The following ZNF407 variants were observed in gnomAD, a reference collection of about 807,000 sequenced individuals.
The protein encoded by ZNF407 is zinc finger protein 407.
In ZNF407, 17 loss-of-function variants were observed where a neutral mutation model predicts 131.2. That is an observed-to-expected ratio of 0.13 (90% CI 0.09 to 0.19). ZNF407 has a LOEUF of 0.19. Ranked by LOEUF, ZNF407 falls within the 10% of genes least tolerant of loss-of-function variation. The pLI, the probability that ZNF407 is intolerant of heterozygous loss-of-function variation, is 1.00. For missense variants in ZNF407, 2,681 were observed against 2,830.6 expected (o/e 0.95, Z 1.20); for synonymous variants, 1,156 against 1,062.0 (o/e 1.09, Z -1.72).
At chr18:74,657,732 G>T (rs541117423) in intron 3 of ZNF407, among the ~76,000 whole-genome samples, 1 of 152,066 alleles carries the variant, frequency 6.6e-6, no homozygotes, top group African/African-American at 2.4e-5. Context: ...CAGTGTTTAC[G>T]CTGTACTTGT....
intron 4 of ZNF407, among the ~76,000 whole-genome samples, chr18:74,857,226 G>A (rs981757001): frequency 6.6e-6 from 1 of 152,150 alleles, no homozygotes; most frequent in African/African-American, 2.4e-5. Flanking sequence ...GCTGATATTC[G>A]ACGTGTTTCA....
At chr18:74,858,909 CT>C (rs796291307) in intron 4 of ZNF407, among the ~76,000 whole-genome samples, 92 of 146,896 alleles carry the variant, frequency 6.3e-4, no homozygotes, top group Middle Eastern at 3.5e-3. Context: ...CCTTTTTGCC[CT>C]TTTTTTTTTG....
chr18:74,876,776 C>T (rs1182085448), intron 4 of ZNF407, among the ~76,000 whole-genome samples: 1 of 152,218 alleles, frequency 6.6e-6, no homozygotes, highest in East Asian at 1.9e-4. Context: ...CGGGTGCATG[C>T]AGGAGAGGCC....
chr18:74,680,081 A>G (rs910232224), intron 3 of ZNF407, among the ~76,000 whole-genome samples: 1 of 152,052 alleles, frequency 6.6e-6, no homozygotes, highest in African/African-American at 2.4e-5. Flanking sequence ...TCTCATTTAC[A>G]TTTTCATTCA....
chr18:74,770,412 C>G (rs1244986310), intron 3 of ZNF407, among the ~76,000 whole-genome samples: 2 of 152,152 alleles, frequency 1.3e-5, no homozygotes, highest in East Asian at 3.9e-4. Context: ...AATAACCAAC[C>G]TTTCTCTCAA....
intron 8 of ZNF407, among the ~76,000 whole-genome samples, chr18:75,038,042 T>C (rs978685532): frequency 1.3e-5 from 2 of 152,212 alleles, no homozygotes; most frequent in South Asian, 2.1e-4. Context: ...TGAAGACTAA[T>C]TAACTTCAAA....
chr18:74,927,838 T>G (rs941078637), intron 8 of ZNF407, among the ~76,000 whole-genome samples: 1 of 152,330 alleles, frequency 6.6e-6, no homozygotes, highest in African/African-American at 2.4e-5. Flanking sequence ...TGTGTACACA[T>G]TAGTATTCAT....
At chr18:74,954,674 A>G (rs1364938505) in intron 8 of ZNF407, among the ~76,000 whole-genome samples, 17 of 152,204 alleles carry the variant, frequency 1.1e-4, no homozygotes, top group Admixed American at 5.9e-4. Flanking sequence ...TATAACCCAC[A>G]TATTTTTATA....
chr18:74,687,729 C>T (rs569575944), intron 3 of ZNF407, among the ~76,000 whole-genome samples: 105 of 152,234 alleles, frequency 6.9e-4, no homozygotes, highest in Non-Finnish European at 1.3e-3. Context: ...TTAACTTGCA[C>T]TCATTTATTA....
chr18:74,901,126 T>C (rs907974359), intron 7 of ZNF407, among the ~76,000 whole-genome samples: 5 of 152,148 alleles, frequency 3.3e-5, no homozygotes, highest in African/African-American at 7.2e-5. Flanking sequence ...GTGTCAGTTG[T>C]ATTAAACCAC....
chr18:74,631,571 A>C lies in ZNF407; in HGVS notation c.552A>C (p.Thr184=). 1 of 1,613,776 alleles carries C rather than the reference A, an allele frequency of 6.2e-7. No individual in the cohort carries two copies. Among genetic ancestry groups the C allele is most frequent in the Non-Finnish European group, 8.5e-7 (1 of 1,179,912 alleles). Residue 184 remains threonine (T), a synonymous_variant, in exon 2 of 9, where the codon ACA becomes ACC. Coordinates refer to ENST00000299687, the MANE Select transcript of ZNF407 (RefSeq NM_017757.3). ...SVSCTIGNVD[T]VLKCSICGHL... ...GTTGTACCATTGGGAATGTAGATAC[A>C]GTTCTCAAATGCAGCATCTGTGGGC... is the stretch of plus-strand genomic sequence containing the variant.
intron 3 of ZNF407, among the ~76,000 whole-genome samples, chr18:74,775,114 A>G (rs971856349): frequency 6.6e-6 from 1 of 152,266 alleles, no homozygotes; most frequent in African/African-American, 2.4e-5. Context: ...TAAACCTTCA[A>G]CATAAAATTA....
chr18:74,852,164 TAC>T (rs10539805), intron 4 of ZNF407, among the ~76,000 whole-genome samples: 12,096 of 149,574 alleles, frequency 0.081, 523 homozygotes, highest in African/African-American at 0.088. Context: ...GGATGCATGC[TAC>T]ACACACACAC....
intron 4 of ZNF407, among the ~76,000 whole-genome samples, chr18:74,873,195 T>G (rs914286861): frequency 1.3e-5 from 2 of 152,204 alleles, no homozygotes; most frequent in African/African-American, 4.8e-5. Context: ...TACTTATTCT[T>G]TAACTTTATT....
intron 8 of ZNF407, among the ~76,000 whole-genome samples, chr18:74,966,973 G>A (rs1022396581): frequency 2.3e-4 from 35 of 152,124 alleles, no homozygotes; most frequent in Non-Finnish European, 2.1e-4. Flanking sequence ...TTTAAAGAAA[G>A]GTAGAGGCCA....
At chr18:74,802,371 T>G (rs1285879592) in intron 4 of ZNF407, among the ~76,000 whole-genome samples, 1 of 152,196 alleles carries the variant, frequency 6.6e-6, no homozygotes, top group Non-Finnish European at 1.5e-5. Flanking sequence ...TTTTTTCAAG[T>G]TATTATTTTC....
At chr18:74,940,601 G>A (rs76071634) in intron 8 of ZNF407, among the ~76,000 whole-genome samples, 54 of 152,296 alleles carry the variant, frequency 3.5e-4, no homozygotes, top group African/African-American at 1.1e-3. Flanking sequence ...GCAGAGAAGC[G>A]ACATGGTAAG....
chr18:74,666,082 G>T (rs1328364118), intron 3 of ZNF407, among the ~76,000 whole-genome samples: 2 of 152,176 alleles, frequency 1.3e-5, no homozygotes, highest in Non-Finnish European at 2.9e-5. Flanking sequence ...GGATCCGAAG[G>T]TGCATGGTGA....
chr18:74,873,568 A>G (rs1971116196), intron 4 of ZNF407, among the ~76,000 whole-genome samples: 2 of 152,130 alleles, frequency 1.3e-5, no homozygotes, highest in Admixed American at 6.5e-5. Flanking sequence ...CCCTTATTTA[A>G]TTTAGAAATC....
Sources: gnomAD v4.1 joint callset for allele counts (sites outside exome capture counted in the v4.1 genomes callset) on GRCh38, gnomAD v4.1.1 for gene constraint, MANE v1.5 for transcripts, NCBI Gene and HGNC (gene_info 2026-07-23, HGNC 2026-07-21) for gene names.